EYA2: variants seen among roughly 807,000 people sequenced by gnomAD.
EYA2 encodes EYA transcriptional coactivator and phosphatase 2.
Under a neutral mutation model 69.2 loss-of-function variants are expected in EYA2, and 31 were observed. That is an observed-to-expected ratio of 0.45 (90% confidence interval 0.34 to 0.60). The LOEUF is 0.60. EYA2 is among the 20% of genes least tolerant of loss of function. EYA2 has a pLI of 0.02. For missense variants in EYA2, 622 were observed against 701.2 expected, an observed-to-expected ratio of 0.89 and a Z score of 1.28; for synonymous variants, 257 against 279.4, an observed-to-expected ratio of 0.92 and a Z score of 0.80.
chr20:47,013,587 G>A (rs1983212805), intron 4 of EYA2, among the ~76,000 whole-genome samples: 1 of 152,196 alleles, frequency 6.6e-6, no homozygotes, highest in Non-Finnish European at 1.5e-5. Context: ...CAGGGAACTG[G>A]CTGAACAAGC....
intron 1 of EYA2, among the ~76,000 whole-genome samples, chr20:46,929,169 AAAAG>A (rs1240380378): frequency 4.0e-5 from 6 of 149,748 alleles, no homozygotes; most frequent in African/African-American, 9.9e-5. Flanking sequence ...AAAAAAAAAA[AAAAG>A]AAGAAAAGAA....
chr20:46,989,371 T>A (rs1450035697), intron 1 of EYA2, among the ~76,000 whole-genome samples: 1 of 152,194 alleles, frequency 6.6e-6, no homozygotes, highest in Non-Finnish European at 1.5e-5. Context: ...GTTCAAGCGA[T>A]TCTCCTGCCT....
rs185948053 is a variant in EYA2, at chr20:47,062,526, C to G, written c.416-9659C>G. Among the ~76,000 whole-genome samples, 1,495 of 152,260 alleles carry G rather than the reference C, an allele frequency of 9.8e-3. 13 individuals carry two copies. Among genetic ancestry groups the G allele is most frequent in the Middle Eastern group, 0.034 (10 of 294 alleles). ...CGGTGCAGAAAACATGTTCGCTTCC[C>G]AAGGTACATGTAGCGGCTCTCCTGG... On this transcript the variant is annotated intron_variant, in intron 5 of 15. Transcript: ENST00000327619.
At chr20:46,947,465 A>G (rs1415359854) in intron 1 of EYA2, among the ~76,000 whole-genome samples, 2 of 152,206 alleles carry the variant, frequency 1.3e-5, no homozygotes, top group African/African-American at 4.8e-5. Flanking sequence ...TGAAAGTTTT[A>G]AGAAACAATG....
intron 4 of EYA2, among the ~76,000 whole-genome samples, chr20:47,015,881 G>T (rs563132318): frequency 6.6e-6 from 1 of 152,326 alleles, no homozygotes; most frequent in East Asian, 1.9e-4. Flanking sequence ...GGTCACATGG[G>T]TTGCAGACAT....
chr20:46,944,358 C>T (rs1329454482), intron 1 of EYA2, among the ~76,000 whole-genome samples: 7 of 152,192 alleles, frequency 4.6e-5, no homozygotes, highest in African/African-American at 1.4e-4. Flanking sequence ...GTAAGGGCTG[C>T]GGTAGCTTCG....
chr20:46,924,694 G>T (rs1304586660), intron 1 of EYA2, among the ~76,000 whole-genome samples: 1 of 101,698 alleles, frequency 9.8e-6, no homozygotes, highest in African/African-American at 4.6e-5. Flanking sequence ...AAAAAAAAAA[G>T]CCCCAAGTGG....
intron 1 of EYA2, among the ~76,000 whole-genome samples, chr20:46,987,517 T>C (rs1981310272): frequency 6.6e-6 from 1 of 152,164 alleles, no homozygotes; most frequent in Non-Finnish European, 1.5e-5. Flanking sequence ...AGCCATTCTC[T>C]TGAAAACAGT....
At chr20:46,912,725 G>A (rs978271597) in intron 1 of EYA2, among the ~76,000 whole-genome samples, 6 of 145,010 alleles carry the variant, frequency 4.1e-5, no homozygotes, top group African/African-American at 1.3e-4. Flanking sequence ...ACGGAGTCTC[G>A]CTCTGTCGCC....
At chr20:47,132,986 G>A (rs193173416) in intron 9 of EYA2, among the ~76,000 whole-genome samples, 109 of 152,274 alleles carry the variant, frequency 7.2e-4, no homozygotes, top group African/African-American at 2.4e-3. Context: ...GCAAACACCC[G>A]TTTTTGCTTG....
chr20:47,063,630 T>A (rs1379500655), intron 5 of EYA2, among the ~76,000 whole-genome samples: 4 of 152,192 alleles, frequency 2.6e-5, no homozygotes, highest in Admixed American at 2.6e-4. Context: ...TACCTCTGAT[T>A]GTGGGCCAAG....
chr20:46,922,048 G>A (rs996816274), intron 1 of EYA2, among the ~76,000 whole-genome samples: 1 of 152,212 alleles, frequency 6.6e-6, no homozygotes. Context: ...TCAGTGAAGA[G>A]GGATTTGAGG....
chr20:46,952,407 G>A (rs1419109973), intron 1 of EYA2, among the ~76,000 whole-genome samples: 1 of 152,190 alleles, frequency 6.6e-6, no homozygotes, highest in Non-Finnish European at 1.5e-5. Context: ...CAAGCCAGAA[G>A]CTGGCCTCAT....
chr20:47,036,330 A>G (rs1410737015), intron 5 of EYA2, among the ~76,000 whole-genome samples: 1 of 152,242 alleles, frequency 6.6e-6, no homozygotes, highest in Non-Finnish European at 1.5e-5. Context: ...AGTTCGCGCA[A>G]AAACTCCCTG....
At chr20:46,940,220 A>T (rs941120299) in intron 1 of EYA2, among the ~76,000 whole-genome samples, 7 of 152,228 alleles carry the variant, frequency 4.6e-5, no homozygotes, top group Non-Finnish European at 8.8e-5. Flanking sequence ...AGTCAATAAT[A>T]AGAACAGCTG....
chr20:47,129,567 T>C (rs76671241), intron 9 of EYA2, among the ~76,000 whole-genome samples: 3,875 of 152,270 alleles, frequency 0.025, 154 homozygotes, highest in East Asian at 0.089. Flanking sequence ...GTGGCTTTAC[T>C]CAGAGGGCCA....
intron 9 of EYA2, among the ~76,000 whole-genome samples, chr20:47,112,362 A>G (rs1296969444): frequency 6.6e-6 from 1 of 152,228 alleles, no homozygotes; most frequent in Non-Finnish European, 1.5e-5. Flanking sequence ...GAAGGTGGTG[A>G]CAAAGGGGGC....
intron 10 of EYA2, among the ~76,000 whole-genome samples, chr20:47,156,089 T>C (rs199510875): frequency 4.9e-3 from 151 of 30,918 alleles, no homozygotes; most frequent in Non-Finnish European, 7.4e-3. Flanking sequence ...TATATATACA[T>C]ACACACACAC....
intron 5 of EYA2, among the ~76,000 whole-genome samples, chr20:47,053,109 C>T (rs769472981): frequency 6.6e-6 from 1 of 152,074 alleles, no homozygotes; most frequent in Admixed American, 6.5e-5. Context: ...CGTAGTTTCT[C>T]GACCTTTTTT....
Sources: allele counts gnomAD v4.1 joint callset (sites outside exome capture counted in the v4.1 genomes callset), GRCh38; gene constraint gnomAD v4.1.1; transcripts MANE v1.5; gene names NCBI Gene and HGNC (gene_info 2026-07-23, HGNC 2026-07-21).